Variants in CACNB2 observed in about 807,000 individuals in gnomAD.
The protein encoded by CACNB2 is voltage-dependent L-type calcium channel subunit beta-2.
A neutral mutation model predicts 73.3 loss-of-function variants in CACNB2; 42 were observed. That is an observed-to-expected ratio of 0.57 (90% CI 0.45 to 0.74). The LOEUF (loss-of-function observed/expected upper bound fraction) is 0.74, where lower values mean the gene tolerates loss of function less well. Among genes scored for constraint, CACNB2 ranks in the 30% least tolerant of loss-of-function variants. CACNB2 has a pLI of 0.00. For synonymous variants in CACNB2, 348 were observed against 310.3 expected, an observed-to-expected ratio of 1.12 and a Z score of -1.28; for missense variants, 940 against 853.0, an observed-to-expected ratio of 1.10 and a Z score of -1.27.
intron 2 of CACNB2, among the ~76,000 whole-genome samples, chr10:18,174,285 T>C (rs917141461): frequency 8.0e-5 from 11 of 137,556 alleles, no homozygotes; most frequent in Non-Finnish European, 1.4e-4. Context: ...TCTCTCTCTT[T>C]CTCTCTTTTC....
chr10:18,149,565 A>T (rs950882409), intron 1 of CACNB2, among the ~76,000 whole-genome samples: 2 of 152,230 alleles, frequency 1.3e-5, no homozygotes, highest in African/African-American at 4.8e-5. Context: ...CGTCTAAATT[A>T]CTCATAACGC....
intron 2 of CACNB2, among the ~76,000 whole-genome samples, chr10:18,382,258 G>T (rs370868506): frequency 6.6e-6 from 1 of 151,918 alleles, no homozygotes; most frequent in Admixed American, 6.6e-5. Flanking sequence ...GGGCTGTCTC[G>T]TCTCATAACT....
At chr10:18,330,228 T>C (rs1447713132) in intron 2 of CACNB2, among the ~76,000 whole-genome samples, 3 of 152,170 alleles carry the variant, frequency 2.0e-5, no homozygotes, top group Admixed American at 6.5e-5. Context: ...CTCAAAATAT[T>C]TGACAGACTT....
At chr10:18,538,433 C>T (rs2053820893) in intron 13 of CACNB2, 68 bp downstream of exon 13, 3 of 1,394,334 alleles carry the variant, frequency 2.2e-6, no homozygotes, top group South Asian at 2.3e-5. Flanking sequence ...TATGGTGACA[C>T]CTCTAGGATC....
chr10:18,163,125 G>A (rs926641660), intron 2 of CACNB2, among the ~76,000 whole-genome samples: 5 of 152,108 alleles, frequency 3.3e-5, no homozygotes, highest in Admixed American at 6.6e-5. Context: ...ATCAAGCATC[G>A]TAAAGGAATC....
chr10:18,381,405 A>G (rs1397304292), intron 2 of CACNB2, among the ~76,000 whole-genome samples: 1 of 151,914 alleles, frequency 6.6e-6, no homozygotes, highest in Non-Finnish European at 1.5e-5. Flanking sequence ...ATGTATAAGA[A>G]TGTAGCAGGG....
At chr10:18,155,919 A>G (rs968732501) in intron 2 of CACNB2, among the ~76,000 whole-genome samples, 20 of 138,382 alleles carry the variant, frequency 1.4e-4, no homozygotes, top group Admixed American at 7.5e-4. Context: ...ATATATATAT[A>G]TGTCAATATG....
At chr10:18,286,893 G>T (rs186316146) in intron 2 of CACNB2, among the ~76,000 whole-genome samples, 1 of 152,178 alleles carries the variant, frequency 6.6e-6, no homozygotes, top group African/African-American at 2.4e-5. Flanking sequence ...TCACATTCAA[G>T]TTCATGACCC....
intron 3 of CACNB2, among the ~76,000 whole-genome samples, chr10:18,461,603 C>T (rs190394772): frequency 1.1e-3 from 173 of 151,964 alleles, no homozygotes; most frequent in African/African-American, 3.8e-3. Context: ...ACTGTTCCAC[C>T]CCAGATCATC....
intron 3 of CACNB2, among the ~76,000 whole-genome samples, chr10:18,410,978 T>TA (rs917012382): frequency 1.8e-4 from 27 of 151,782 alleles, no homozygotes; most frequent in African/African-American, 2.7e-4. Context: ...AGACTCCATT[T>TA]AAAAAAAATA....
chr10:18,191,964 A>G (rs994819122), intron 2 of CACNB2, among the ~76,000 whole-genome samples: 4 of 151,840 alleles, frequency 2.6e-5, no homozygotes, highest in African/African-American at 9.7e-5. Flanking sequence ...CATTAGTGGG[A>G]TTGCTGGGTC....
intron 3 of CACNB2, among the ~76,000 whole-genome samples, chr10:18,491,538 T>C (rs577478932): frequency 1.3e-5 from 2 of 152,232 alleles, no homozygotes; most frequent in African/African-American, 4.8e-5. Context: ...CAGTGAGCCA[T>C]GATTGCACCA....
In CACNB2 at chr10:18,541,543, C is replaced by A. The variant is rs576273726; in HGVS notation, c.*1819C>A. 1.3e-5 allele frequency: 2 copies of A among 152,120 alleles called. No individual in the cohort carries two copies. The highest frequency in any genetic ancestry group is 2.4e-5 in the African/African-American group (1 of 41,412). 9.4% of individuals were successfully genotyped at this position (152,120 alleles called of 1,614,324 possible). ...ATGCCTGTGTATAATTACCTAACTTCAGATCTGCACATTAACTTATTTAAC... is the reference window on the plus strand; with the variant it reads ...ATGCCTGTGTATAATTACCTAACTTAAGATCTGCACATTAACTTATTTAAC... On this transcript the variant is annotated 3_prime_UTR_variant, in exon 14 of 14. Transcript: ENST00000324631.
At chr10:18,262,530 A>C (rs2037600858) in intron 2 of CACNB2, among the ~76,000 whole-genome samples, 1 of 152,256 alleles carries the variant, frequency 6.6e-6, no homozygotes, top group Admixed American at 6.5e-5. Context: ...TAAAGACGAC[A>C]TCTGCAGGGA....
intron 9 of CACNB2, among the ~76,000 whole-genome samples, chr10:18,520,396 C>T (rs190098638): frequency 6.6e-6 from 1 of 152,294 alleles, no homozygotes; most frequent in Admixed American, 6.5e-5. Flanking sequence ...GCCCTTCTCA[C>T]ACATCCTCTG....
intron 2 of CACNB2, among the ~76,000 whole-genome samples, chr10:18,286,517 C>CAAAAAAAAAAAAAA (rs770589594): frequency 7.0e-5 from 4 of 57,328 alleles, no homozygotes; most frequent in South Asian, 9.5e-4. Context: ...GATTCTGTCT[C>CAAAAAAAAAAAAAA]AAAAAAAAAA....
chr10:18,307,983 CTTTTT>C lies in CACNB2; in HGVS notation c.214-93918_214-93914del, dbSNP rs869311555. ...TTAAGTCTAAAATAATATATGCCAA[CTTTTT>C]TTTTTTTTTTTTTTTTTTTTTTGAG... On this transcript the variant is annotated intron_variant, in intron 2 of 13. Transcript: ENST00000324631. Among the ~76,000 whole-genome samples the C allele has an allele frequency of 1.3e-3, 90 of 70,244 alleles. 1 individual carries two copies. The highest frequency in any genetic ancestry group is 1.8e-3 in the Non-Finnish European group (65 of 36,704). The allele number at this position is 70,244 out of a possible 152,430, so 46.1% of individuals were successfully genotyped here.
intron 6 of CACNB2, among the ~76,000 whole-genome samples, chr10:18,507,837 T>C (rs1464284330): frequency 6.6e-6 from 1 of 152,236 alleles, no homozygotes; most frequent in Non-Finnish European, 1.5e-5. Flanking sequence ...ACACAGTGAC[T>C]GATGTGCTTT....
At chr10:18,538,094 A>G in intron 12 of CACNB2, 86 bp from the exon 13 acceptor site, 1 of 1,281,970 alleles carries the variant, frequency 7.8e-7, no homozygotes, top group Non-Finnish European at 1.1e-6. Context: ...GGTGCAGCTC[A>G]TGAGCCCCTT....
Sources: gnomAD v4.1 joint callset for allele counts (sites outside exome capture counted in the v4.1 genomes callset) on GRCh38, gnomAD v4.1.1 for gene constraint, MANE v1.5 for transcripts, NCBI Gene and HGNC (gene_info 2026-07-23, HGNC 2026-07-21) for gene names.